The following CCDC149 variants were observed in gnomAD, a reference collection of about 807,000 sequenced individuals.
CCDC149 encodes the protein coiled-coil domain-containing protein 149.
In CCDC149, 45 loss-of-function variants were observed where a neutral mutation model predicts 59.9. The ratio of observed to expected loss-of-function variants is 0.75; its 90% CI spans 0.59 to 0.96. The LOEUF (loss-of-function observed/expected upper bound fraction) is 0.96. Among genes scored for constraint, CCDC149 ranks in the 40% least tolerant of loss-of-function variants. CCDC149 has a pLI of 0.00. For synonymous variants in CCDC149, 245 were observed against 260.6 expected, an observed-to-expected ratio of 0.94 and a Z score of 0.58; for missense variants, 584 against 664.7, an observed-to-expected ratio of 0.88 and a Z score of 1.33.
intron 12 of CCDC149, among the ~76,000 whole-genome samples, chr4:24,815,701 CACAG>C (rs1181729020): frequency 3.9e-5 from 6 of 152,174 alleles, no homozygotes; most frequent in Non-Finnish European, 5.9e-5. Context: ...GTCTAAATTA[CACAG>C]GGGACTTTCA....
chr4:24,908,872 A>AT (rs1721705491), intron 1 of CCDC149, among the ~76,000 whole-genome samples: 1 of 152,244 alleles, frequency 6.6e-6, no homozygotes. Context: ...ATAGTTTATC[A>AT]TAGAGTGGTG....
At chr4:24,878,098 T>G (rs1340922433) in intron 1 of CCDC149, among the ~76,000 whole-genome samples, 2 of 151,746 alleles carry the variant, frequency 1.3e-5, no homozygotes, top group Admixed American at 6.6e-5. Context: ...TGCTCTTTTA[T>G]GGACAAAAAG....
At chr4:24,859,257 T>C (rs1718220320) in intron 3 of CCDC149, among the ~76,000 whole-genome samples, 1 of 152,214 alleles carries the variant, frequency 6.6e-6, no homozygotes, top group South Asian at 2.1e-4. Flanking sequence ...AACCGTACAC[T>C]AATATAAGTG....
intron 10 of CCDC149, among the ~76,000 whole-genome samples, 153 bp from the exon 11 acceptor site, chr4:24,821,240 G>T (rs1577381129): frequency 6.6e-6 from 1 of 151,778 alleles, no homozygotes; most frequent in Non-Finnish European, 1.5e-5. Flanking sequence ...AAATGAAACA[G>T]GGAGAAATTT....
chr4:24,961,389 G>A (rs916582082), intron 1 of CCDC149, among the ~76,000 whole-genome samples: 5 of 152,172 alleles, frequency 3.3e-5, no homozygotes, highest in Non-Finnish European at 7.3e-5. Flanking sequence ...ACTGCCCAAG[G>A]TAATTTATAG....
chr4:24,935,861 T>C (rs1285196021), intron 1 of CCDC149, among the ~76,000 whole-genome samples: 1 of 152,158 alleles, frequency 6.6e-6, no homozygotes, highest in Non-Finnish European at 1.5e-5. Flanking sequence ...ATAGCTGGTA[T>C]TTAAAACCAT....
At chr4:24,857,402 C>T (rs1374675766) in intron 3 of CCDC149, among the ~76,000 whole-genome samples, 1 of 152,152 alleles carries the variant, frequency 6.6e-6, no homozygotes, top group Admixed American at 6.5e-5. Context: ...TAAAACCATG[C>T]TGTCAAATTG....
intron 4 of CCDC149, among the ~76,000 whole-genome samples, chr4:24,851,578 G>T (rs1163575732): frequency 2.0e-5 from 3 of 152,038 alleles, no homozygotes; most frequent in African/African-American, 7.2e-5. Flanking sequence ...GAAAAAAAAA[G>T]AAATAAAATA....
intron 4 of CCDC149, among the ~76,000 whole-genome samples, chr4:24,843,768 C>A (rs552225824): frequency 4.7e-4 from 72 of 152,286 alleles, no homozygotes; most frequent in Admixed American, 5.2e-4. Context: ...CCTTAGACCA[C>A]TGACAGATAC....
At chr4:24,826,435 C>T (rs1345303533) in intron 9 of CCDC149, among the ~76,000 whole-genome samples, 1 of 152,090 alleles carries the variant, frequency 6.6e-6, no homozygotes, top group Admixed American at 6.5e-5. Context: ...TGCAGGGGTG[C>T]TACAGGAATG....
intron 1 of CCDC149, among the ~76,000 whole-genome samples, chr4:24,943,051 A>G (rs1263159871): frequency 1.3e-5 from 2 of 151,572 alleles, no homozygotes; most frequent in African/African-American, 4.8e-5. Context: ...AAACTACTTT[A>G]AAGTTCATAT....
chr4:24,894,673 C>T (rs755642184), intron 1 of CCDC149, among the ~76,000 whole-genome samples: 3 of 151,742 alleles, frequency 2.0e-5, no homozygotes, highest in Non-Finnish European at 4.4e-5. Flanking sequence ...CCTGTAAACA[C>T]CAGAGCAAAA....
chr4:24,820,983 AT>A (rs1715353716), intron 11 of CCDC149, 71 bp downstream of exon 11: 1 of 846,094 alleles, frequency 1.2e-6, no homozygotes, highest in African/African-American at 1.8e-5. Context: ...ATTTCTACTT[AT>A]TTACATGCAG....
At chr4:24,812,956 G>A (rs2109089978) in intron 12 of CCDC149, among the ~76,000 whole-genome samples, 1 of 152,252 alleles carries the variant, frequency 6.6e-6, no homozygotes, top group East Asian at 1.9e-4. Context: ...TGAGAGTTGG[G>A]TGAGGACACA....
At chr4:24,977,761 C>A (rs947744180) in intron 1 of CCDC149, among the ~76,000 whole-genome samples, 1 of 152,150 alleles carries the variant, frequency 6.6e-6, no homozygotes, top group African/African-American at 2.4e-5. Context: ...GGAATATTGA[C>A]CAGATGATAA....
intron 1 of CCDC149, among the ~76,000 whole-genome samples, chr4:24,929,261 T>C (rs1466650443): frequency 2.6e-5 from 4 of 152,314 alleles, no homozygotes; most frequent in Non-Finnish European, 5.9e-5. Flanking sequence ...CTTTTTCTCA[T>C]GTGGGCTCCC....
intron 1 of CCDC149, among the ~76,000 whole-genome samples, chr4:24,951,908 C>T (rs2109355149): frequency 6.6e-6 from 1 of 152,296 alleles, no homozygotes; most frequent in East Asian, 1.9e-4. Context: ...GAGGTAAGTG[C>T]TGTATATTAA....
chr4:24,821,452 T>G (rs1194787430), intron 10 of CCDC149, among the ~76,000 whole-genome samples: 1 of 152,236 alleles, frequency 6.6e-6, no homozygotes. Context: ...CCCAGGACTG[T>G]ACCTGGCAGT....
At chr4:24,879,517 C>CAAA (rs34213743) in intron 1 of CCDC149, among the ~76,000 whole-genome samples, 4 of 115,976 alleles carry the variant, frequency 3.4e-5, no homozygotes, top group Non-Finnish European at 5.4e-5. Context: ...ACTCTTGTCT[C>CAAA]AAAAAAAAAA....
Sources: allele counts gnomAD v4.1 joint callset (sites outside exome capture counted in the v4.1 genomes callset), GRCh38; gene constraint gnomAD v4.1.1; transcripts MANE v1.5; gene names NCBI Gene and HGNC (gene_info 2026-07-23, HGNC 2026-07-21).